The following GAPVD1 variants were observed in gnomAD, a reference collection of about 807,000 sequenced individuals.
The protein encoded by GAPVD1 is GTPase-activating protein and VPS9 domain-containing protein 1.
In GAPVD1, 35 loss-of-function variants were observed where a neutral mutation model predicts 155.5. The observed-to-expected ratio is 0.23, with a 90% CI of 0.17 to 0.30. The LOEUF is 0.30. Ranked by LOEUF, GAPVD1 falls within the 10% of genes least tolerant of loss-of-function variation. The probability of loss-of-function intolerance (pLI) is 1.00; values close to 1 mark genes in which losing one functional copy is unlikely to be tolerated. For missense variants in GAPVD1, 1,429 were observed against 1,775.7 expected (o/e 0.80, Z 3.51); for synonymous variants, 636 against 619.7 (o/e 1.03, Z -0.39).
chr9:125,280,246 ATCAG>A (rs887486851), intron 2 of GAPVD1, among the ~76,000 whole-genome samples: 1 of 150,894 alleles, frequency 6.6e-6, no homozygotes, highest in African/African-American at 2.4e-5. Context: ...AAAATACAAA[ATCAG>A]TCAGGCATGG....
intron 1 of GAPVD1, among the ~76,000 whole-genome samples, chr9:125,267,664 C>T (rs998749388): frequency 6.6e-6 from 1 of 152,036 alleles, no homozygotes; most frequent in Non-Finnish European, 1.5e-5. Context: ...CCGCTTCGGC[C>T]TCCCAAAGTG....
In GAPVD1 at chr9:125,307,909, T is replaced by C. The variant is rs768670134; in HGVS notation, c.1441+29T>C. The C allele has an allele frequency of 6.5e-6, 9 of 1,395,256 alleles. No individual in the cohort carries two copies. In the East Asian group the frequency reaches 1.8e-4, roughly 28 times the overall value. The allele number at this position is 1,395,256 out of a possible 1,614,324, so 86.4% of individuals were successfully genotyped here. ...AAGAGAATTTCTCGTATTGGAGCTT[T>C]CTCTTAAATCTAATATTTCATTAGC... On this transcript the variant is annotated intron_variant, in intron 8 of 27. Coordinates refer to ENST00000297933, the MANE Select transcript of GAPVD1 (RefSeq NM_001282680.3).
At chr9:125,263,836 A>G in intron 1 of GAPVD1, 2 of 1,171,514 alleles carry the variant, frequency 1.7e-6, no homozygotes, top group Non-Finnish European at 2.6e-6. Context: ...GGTAGCAGGT[A>G]CAGTCTCCGG....
rs1836503611 is a variant in GAPVD1 at position 125,280,042 on chromosome 9, CG to C, written c.-150+11059del. The stretch of plus-strand genomic sequence containing the variant: ...CCTCCCAAAGTGCTGGGATTACAGG[CG>C]TGAGCCGCTGCGCTGGCCAAAACAT... On this transcript the variant is annotated intron_variant, in intron 2 of 27. Coordinates refer to ENST00000297933, the MANE Select transcript of GAPVD1 (RefSeq NM_001282680.3). Among the ~76,000 whole-genome samples the C allele has an allele frequency of 3.3e-5, 5 of 149,828 alleles. No individual in the cohort carries two copies. The South Asian group carries it at 1.1e-3, about 33-fold the overall frequency.
chr9:125,361,453 A>G (rs1850902966), intron 27 of GAPVD1, among the ~76,000 whole-genome samples: 1 of 150,854 alleles, frequency 6.6e-6, no homozygotes, highest in Non-Finnish European at 1.5e-5. Context: ...GAACCTGGGC[A>G]GCAGAGCTTG....
intron 18 of GAPVD1, chr9:125,341,750 A>G (rs1268889249): frequency 6.4e-6 from 1 of 156,600 alleles, no homozygotes; most frequent in Admixed American, 6.3e-5. Flanking sequence ...TTTGGTGAAC[A>G]GCCTGGCATC....
rs375934161 is a variant in GAPVD1, at chr9:125,270,859, C to T, written c.-150+1875C>T. ...TCAGGAGGCTGAGGCAGGAGAATCG[C>T]TTGAACCTGGGAGTGGGAGGCAGAG... On this transcript the variant is annotated intron_variant, in intron 2 of 27. Transcript: ENST00000297933. Among the ~76,000 whole-genome samples, 247 of 152,226 alleles carry T rather than the reference C, an allele frequency of 1.6e-3. 1 individual carries two copies. Among genetic ancestry groups the T allele is most frequent in the African/African-American group, 5.5e-3 (230 of 41,548 alleles).
intron 22 of GAPVD1, 74 bp downstream of exon 22, chr9:125,350,478 T>C (rs907410355): frequency 5.2e-6 from 5 of 954,820 alleles, no homozygotes; most frequent in Non-Finnish European, 8.5e-6. Flanking sequence ...AGTATTCAGC[T>C]GTTGAAGCTG....
At chr9:125,354,278 T>C (rs1849738307) in intron 23 of GAPVD1, among the ~76,000 whole-genome samples, 1 of 152,208 alleles carries the variant, frequency 6.6e-6, no homozygotes, top group African/African-American at 2.4e-5. Flanking sequence ...GTATTTGTTG[T>C]TATTGTTGGT....
At chr9:125,331,490 C>G (rs561125898) in intron 13 of GAPVD1, among the ~76,000 whole-genome samples, 82 of 152,284 alleles carry the variant, frequency 5.4e-4, no homozygotes, top group Admixed American at 2.6e-3. Context: ...TGTGAGCTAC[C>G]ACGGCTGGCC....
At chr9:125,345,174 T>G (rs998498382) in intron 19 of GAPVD1, among the ~76,000 whole-genome samples, 1 of 150,896 alleles carries the variant, frequency 6.6e-6, no homozygotes, top group African/African-American at 2.4e-5. Flanking sequence ...TTCTTTTCTC[T>G]CTCTCTTTTT....
intron 1 of GAPVD1, among the ~76,000 whole-genome samples, chr9:125,265,939 AAAG>A (rs1046212802): frequency 1.3e-5 from 2 of 150,156 alleles, no homozygotes; most frequent in Non-Finnish European, 3.0e-5. Flanking sequence ...AAAAAAAAAA[AAAG>A]AAACTGCTAC....
In GAPVD1 at chr9:125,362,529, T is replaced by C; in HGVS notation, c.4243-77T>C. ...TGGTATGTCTTTCATAGAAGAACAT[T>C]CGAAGAACACTTAAATGATTTTGGC... is the stretch of plus-strand genomic sequence containing the variant. On this transcript the variant is annotated intron_variant, in intron 27 of 27. Coordinates refer to ENST00000297933, the MANE Select transcript of GAPVD1 (RefSeq NM_001282680.3). 3 of 1,171,628 alleles carry C rather than the reference T, an allele frequency of 2.6e-6. No homozygotes were observed. The East Asian group carries it at 7.7e-5, about 30-fold the overall frequency. The allele number at this position is 1,171,628 out of a possible 1,614,324, so 72.6% of individuals were successfully genotyped here. A position where few individuals can be genotyped will look rare whatever the true frequency, so the allele number is the denominator to read the frequency against.
intron 15 of GAPVD1, among the ~76,000 whole-genome samples, chr9:125,336,002 A>G (rs1398940376): frequency 6.6e-6 from 1 of 151,838 alleles, no homozygotes; most frequent in Non-Finnish European, 1.5e-5. Flanking sequence ...AAAATAACAT[A>G]AAAATTAGCT....
intron 4 of GAPVD1, among the ~76,000 whole-genome samples, chr9:125,301,283 T>C (rs1280718758): frequency 6.6e-6 from 1 of 152,150 alleles, no homozygotes; most frequent in Non-Finnish European, 1.5e-5. Context: ...TTTTCCAGGC[T>C]GGTCTTGAAC....
chr9:125,350,611 T>A, intron 22 of GAPVD1, 102 bp from the exon 23 acceptor site: 1 of 740,480 alleles, frequency 1.4e-6, no homozygotes, highest in South Asian at 1.8e-5. Context: ...TTAGTTCTAA[T>A]GATACGTGAC....
chr9:125,360,764 C>CTCAGAATGCCACAT, intron 27 of GAPVD1, 39 bp downstream of exon 27: 1 of 1,497,762 alleles, frequency 6.7e-7, no homozygotes, highest in Non-Finnish European at 9.3e-7. Context: ...AGTTATGTGG[C>CTCAGAATGCCACAT]ATTCTGAGCA....
rs757574705 is a variant in GAPVD1 at position 125,364,310 on chromosome 9, A to G, written c.*1564A>G. 2.0e-5 allele frequency: 3 copies of G among 151,826 alleles called. No individual in the cohort carries two copies. Among genetic ancestry groups the G allele is most frequent in the Non-Finnish European group, 4.4e-5 (3 of 68,034 alleles). The allele number at this position is 151,826 out of a possible 1,614,324, so 9.4% of individuals were successfully genotyped here. ...GCCCAGGCTGGAGTGCAATGGTGCG[A>G]TCTTGGCTCACTGCAACCTCCACCT... On this transcript the variant is annotated 3_prime_UTR_variant, in exon 28 of 28. Transcript: ENST00000297933.
chr9:125,295,809 CT>C (rs1436397918), intron 3 of GAPVD1, among the ~76,000 whole-genome samples: 1 of 152,084 alleles, frequency 6.6e-6, no homozygotes, highest in Non-Finnish European at 1.5e-5. Context: ...TCATATTTTG[CT>C]GTGTCATTGA....
Sources: gnomAD v4.1 joint callset for allele counts (sites outside exome capture counted in the v4.1 genomes callset) on GRCh38, gnomAD v4.1.1 for gene constraint, MANE v1.5 for transcripts, NCBI Gene and HGNC (gene_info 2026-07-23, HGNC 2026-07-21) for gene names.